NALCN: variants seen among roughly 807,000 people sequenced by gnomAD.
The protein encoded by NALCN is sodium leak channel NALCN.
NALCN carries 111 observed loss-of-function variants against 225.3 expected under a neutral mutation model. That is an observed-to-expected ratio of 0.49 (90% CI 0.42 to 0.58). The LOEUF is 0.58. Ranked by LOEUF, NALCN falls within the 20% of genes least tolerant of loss-of-function variation. NALCN has a pLI of 0.00. For missense variants in NALCN, 1,378 were observed against 2,202.4 expected (o/e 0.63, Z 7.49); for synonymous variants, 764 against 769.0 (o/e 0.99, Z 0.11).
At chr13:101,220,159 C>G (rs1288741366) in intron 13 of NALCN, among the ~76,000 whole-genome samples, 1 of 152,174 alleles carries the variant, frequency 6.6e-6, no homozygotes, top group Non-Finnish European at 1.5e-5. Flanking sequence ...ATAACATAGA[C>G]AATTGCTGAT....
chr13:101,083,384 CGT>C (rs1257893020), intron 31 of NALCN, among the ~76,000 whole-genome samples, 186 bp from the exon 32 acceptor site: 1 of 152,026 alleles, frequency 6.6e-6, no homozygotes, highest in Non-Finnish European at 1.5e-5. Flanking sequence ...TGCATGATGC[CGT>C]CTATATTGGA....
In NALCN at chr13:101,345,969, T is replaced by A. The variant is rs564997630; in HGVS notation, c.645-549A>T. Among the ~76,000 whole-genome samples the A allele has an allele frequency of 5.3e-4, 78 of 147,114 alleles. 1 individual carries two copies. The highest frequency in any genetic ancestry group is 4.1e-3 in the South Asian group (19 of 4,670). ...CATATAAGAATGAGAAATGAGGAGATATACGTGACGTGTCTGTCTAAAATC... is the reference window on the plus strand; with the variant it reads ...CATATAAGAATGAGAAATGAGGAGAAATACGTGACGTGTCTGTCTAAAATC... On this transcript the variant is annotated intron_variant, in intron 6 of 43. Transcript: ENST00000251127.
At chr13:101,061,732 C>T (rs977863096) in intron 41 of NALCN, among the ~76,000 whole-genome samples, 3 of 152,126 alleles carry the variant, frequency 2.0e-5, no homozygotes, top group Non-Finnish European at 4.4e-5. Flanking sequence ...AATGGGATTC[C>T]ATGGAAACTC....
At chr13:101,153,517 C>A (rs1566351283) in intron 15 of NALCN, among the ~76,000 whole-genome samples, 1 of 152,160 alleles carries the variant, frequency 6.6e-6, no homozygotes, top group Non-Finnish European at 1.5e-5. Flanking sequence ...GCAGTTAAAC[C>A]ATTTCTCCTG....
At chr13:101,148,045 T>C (rs1365135906) in intron 15 of NALCN, among the ~76,000 whole-genome samples, 2 of 152,186 alleles carry the variant, frequency 1.3e-5, no homozygotes, top group Non-Finnish European at 2.9e-5. Flanking sequence ...TCCTATAATA[T>C]TGCTGTTTGT....
At chr13:101,373,130 C>A in intron 6 of NALCN, 2 of 365,116 alleles carry the variant, frequency 5.5e-6, no homozygotes, top group Non-Finnish European at 5.4e-6. Flanking sequence ...CTTAACAGAA[C>A]AAGAAAGATA....
intron 14 of NALCN, among the ~76,000 whole-genome samples, chr13:101,186,510 T>C (rs1174534212): frequency 1.3e-5 from 2 of 152,204 alleles, no homozygotes; most frequent in African/African-American, 4.8e-5. Flanking sequence ...CTGCTGACCA[T>C]GTTTTAAGCA....
intron 6 of NALCN, among the ~76,000 whole-genome samples, chr13:101,365,313 C>T (rs2046351558): frequency 1.3e-5 from 2 of 152,158 alleles, no homozygotes; most frequent in South Asian, 4.2e-4. Flanking sequence ...TTTTCTCTTC[C>T]TGTGTTAGTT....
intron 7 of NALCN, among the ~76,000 whole-genome samples, chr13:101,310,740 A>G (rs1249815874): frequency 6.6e-6 from 1 of 152,138 alleles, no homozygotes; most frequent in African/African-American, 2.4e-5. Flanking sequence ...GTGGGTCCTC[A>G]ATAAACTATT....
At chr13:101,347,296 G>A (rs1566601737) in intron 6 of NALCN, among the ~76,000 whole-genome samples, 1 of 152,064 alleles carries the variant, frequency 6.6e-6, no homozygotes, top group Non-Finnish European at 1.5e-5. Flanking sequence ...GAGCTCATCT[G>A]TCTGCTGGTC....
At chr13:101,328,831 A>G (rs1300249902) in intron 7 of NALCN, among the ~76,000 whole-genome samples, 1 of 152,200 alleles carries the variant, frequency 6.6e-6, no homozygotes, top group Non-Finnish European at 1.5e-5. Flanking sequence ...TTCCCCACCT[A>G]GTAAGATGCA....
chr13:101,412,466 C>A (rs774188498), intron 1 of NALCN, among the ~76,000 whole-genome samples: 4 of 152,220 alleles, frequency 2.6e-5, no homozygotes, highest in Non-Finnish European at 4.4e-5. Context: ...CCCCTGCCCC[C>A]ACCCTGGACC....
intron 7 of NALCN, among the ~76,000 whole-genome samples, chr13:101,318,593 C>T (rs1377821946): frequency 6.6e-6 from 1 of 152,130 alleles, no homozygotes; most frequent in Non-Finnish European, 1.5e-5. Flanking sequence ...GGCTCTTGAG[C>T]AGAAAAATGT....
intron 13 of NALCN, among the ~76,000 whole-genome samples, chr13:101,208,496 C>T (rs1397674946): frequency 6.6e-6 from 1 of 152,224 alleles, no homozygotes; most frequent in Non-Finnish European, 1.5e-5. Flanking sequence ...CCCAACTTAA[C>T]TTGTTTAATA....
chr13:101,093,376 C>T (rs2034336460), intron 28 of NALCN, among the ~76,000 whole-genome samples: 1 of 152,146 alleles, frequency 6.6e-6, no homozygotes, highest in Non-Finnish European at 1.5e-5. Flanking sequence ...AAAATTTCAG[C>T]TTCCAACTCT....
chr13:101,167,893 T>C (rs918249900), intron 15 of NALCN, among the ~76,000 whole-genome samples: 1 of 152,076 alleles, frequency 6.6e-6, no homozygotes, highest in Non-Finnish European at 1.5e-5. Flanking sequence ...AGAATTCATC[T>C]TTATTTGTGG....
At chr13:101,289,381 T>C (rs2043462885) in intron 9 of NALCN, among the ~76,000 whole-genome samples, 1 of 152,162 alleles carries the variant, frequency 6.6e-6, no homozygotes, top group Admixed American at 6.5e-5. Flanking sequence ...GACCATTCAA[T>C]TGAAAAATAT....
intron 7 of NALCN, among the ~76,000 whole-genome samples, chr13:101,316,731 CAGTTTAT>C (rs2044566078): frequency 6.6e-6 from 1 of 152,060 alleles, no homozygotes; most frequent in Admixed American, 6.6e-5. Flanking sequence ...AATTAATGTT[CAGTTTAT>C]ATGTTCCTTG....
rs1303503623 is a variant in NALCN, at chr13:101,059,820, C to T, written c.4903G>A (p.Glu1635Lys). The T allele has an allele frequency of 5.0e-6, 8 of 1,613,856 alleles. No individual in the cohort carries two copies. Among genetic ancestry groups the T allele is most frequent in the Admixed American group, 1.7e-5 (1 of 59,988 alleles). ...CAGAGGACGCCTCGTGCCCATACCT[C>T]AGGTTGCATGCTGTTGTCCTGACTG... Reference protein sequence around the residue: ...ANSQDNSMQPETSSQQQLLSP... With the variant: ...ANSQDNSMQPKTSSQQQLLSP... Residue 1635 changes from glutamate (E) to lysine (K), a missense_variant and splice_region_variant, in exon 42 of 44, where the codon GAG (glutamate) becomes AAG (lysine). Transcript: ENST00000251127.
Sources: gnomAD v4.1 joint callset for allele counts (sites outside exome capture counted in the v4.1 genomes callset) on GRCh38, gnomAD v4.1.1 for gene constraint, MANE v1.5 for transcripts, NCBI Gene and HGNC (gene_info 2026-07-23, HGNC 2026-07-21) for gene names.